Variants in RBM34 observed in about 807,000 individuals in gnomAD.
The protein encoded by RBM34 is RNA binding motif protein 34.
A neutral mutation model predicts 44.6 loss-of-function variants in RBM34; 39 were observed. The ratio of observed to expected loss-of-function variants is 0.87; its 90% CI spans 0.68 to 1.14. The LOEUF is 1.14. RBM34 is among the 50% of genes most tolerant of loss of function. The probability of loss-of-function intolerance (pLI) is 0.00; values close to 1 mark genes in which losing one functional copy is unlikely to be tolerated. For missense variants in RBM34, 572 were observed against 517.9 expected (o/e 1.10, Z -1.01); for synonymous variants, 194 against 184.0 (o/e 1.05, Z -0.44).
At chr1:235,154,705 G>A (rs1662318449) in intron 4 of RBM34, among the ~76,000 whole-genome samples, 176 bp downstream of exon 4, 1 of 152,192 alleles carries the variant, frequency 6.6e-6, no homozygotes, top group African/African-American at 2.4e-5. Context: ...AGCCTGAATT[G>A]GCAGGGACTA....
At chr1:235,136,678 T>C (rs1661445937) in intron 8 of RBM34, among the ~76,000 whole-genome samples, 1 of 152,206 alleles carries the variant, frequency 6.6e-6, no homozygotes, top group African/African-American at 2.4e-5. Flanking sequence ...CTGTCCTTCA[T>C]TCATTTCTAG....
At chr1:235,157,324 A>G (rs1662493222) in intron 3 of RBM34, among the ~76,000 whole-genome samples, 1 of 152,170 alleles carries the variant, frequency 6.6e-6, no homozygotes, top group African/African-American at 2.4e-5. Flanking sequence ...GATTAAAGAG[A>G]TAATTAAAAA....
rs370358826 is a variant in RBM34, at chr1:235,161,209, C to T, written c.18G>A (p.Met6Ile). 5.0e-6 allele frequency: 8 copies of T among 1,611,596 alleles called. No individual in the cohort carries two copies. Among genetic ancestry groups the T allele is most frequent in the African/African-American group, 1.3e-5 (1 of 74,862 alleles). Residue 6 changes from methionine (M) to isoleucine (I), a missense_variant, in exon 1 of 11, where the codon ATG becomes ATA. Physicochemically the swap from Met to Ile is conservative, Grantham distance 10. Coordinates refer to ENST00000408888, the MANE Select transcript of RBM34 (RefSeq NM_015014.4). ...CACTTCTCTTTCTCTTCCGTTTGCT[C>T]ATCCCTTCCAAGGCCATTCTTACTC... MALEG[M>I]SKRKRKRSVQ...
At chr1:235,141,504 T>C (rs370011699) in intron 6 of RBM34, among the ~76,000 whole-genome samples, 3 of 152,108 alleles carry the variant, frequency 2.0e-5, no homozygotes, top group African/African-American at 7.2e-5. Context: ...GCTCTACCAA[T>C]CAGCAGGATG....
chr1:235,144,249 C>T (rs1445058587), intron 6 of RBM34, among the ~76,000 whole-genome samples: 1 of 152,012 alleles, frequency 6.6e-6, no homozygotes, highest in Non-Finnish European at 1.5e-5. Context: ...AAGAGTATAT[C>T]CTGTATGATG....
At chr1:235,140,104 T>C (rs1661610325) in intron 6 of RBM34, among the ~76,000 whole-genome samples, 1 of 152,210 alleles carries the variant, frequency 6.6e-6, no homozygotes, top group South Asian at 2.1e-4. Context: ...GGATTCTTCT[T>C]GAGAGGTGAC....
At chr1:235,157,031 A>T (rs1662479261) in intron 3 of RBM34, among the ~76,000 whole-genome samples, 1 of 152,234 alleles carries the variant, frequency 6.6e-6, no homozygotes, top group Non-Finnish European at 1.5e-5. Context: ...AGTACCTAGC[A>T]GGTGTGAAAG....
At chr1:235,139,963 A>T (rs1042934335) in intron 6 of RBM34, among the ~76,000 whole-genome samples, 2 of 152,192 alleles carry the variant, frequency 1.3e-5, no homozygotes, top group Admixed American at 1.3e-4. Context: ...CCGAGGCAGG[A>T]GTGTGCGCCC....
chr1:235,160,621 A>G lies in RBM34; in HGVS notation c.255T>C (p.Asn85=). The G allele has an allele frequency of 6.2e-7, 1 of 1,611,582 alleles. No homozygotes were observed. The highest frequency in any genetic ancestry group is 8.5e-7 in the Non-Finnish European group (1 of 1,179,446). ...TCTGGGATGTACTTTCTTCCTCCTCATTCCGTTTCGTTTTTTTGATGGTTT... is the reference window on the plus strand; with the variant it reads ...TCTGGGATGTACTTTCTTCCTCCTCGTTCCGTTTCGTTTTTTTGATGGTTT... The part of the protein sequence containing the change: ...PKQTIKKTKR[N]EEEESTSQIE... Residue 85 remains asparagine, a synonymous_variant, in exon 3 of 11, where the codon AAT becomes AAC. Coordinates refer to ENST00000408888, the MANE Select transcript of RBM34 (RefSeq NM_015014.4).
chr1:235,144,508 A>C (rs1463950224), intron 6 of RBM34, among the ~76,000 whole-genome samples: 1 of 151,872 alleles, frequency 6.6e-6, no homozygotes, highest in Admixed American at 6.6e-5. Flanking sequence ...CTAAAAAAAA[A>C]AAAAAAAGGT....
rs189823146 is a variant in RBM34, at chr1:235,136,992, T to C, written c.849+885A>G. Among the ~76,000 whole-genome samples, 225 of 152,312 alleles carry C rather than the reference T, an allele frequency of 1.5e-3. 1 individual carries two copies. The highest frequency in any genetic ancestry group is 5.3e-3 in the African/African-American group (221 of 41,562). On this transcript the variant is annotated intron_variant, in intron 8 of 10. Coordinates refer to ENST00000408888, the MANE Select transcript of RBM34 (RefSeq NM_015014.4). ...TACATAAGCCTTCTCTTCTTTCTTT[T>C]TTCCCCCCGCTTCTCCACAGGGTAA...
At position 235,154,968 on chromosome 1, in the gene RBM34, C is replaced by T. The variant is rs1401219367; in HGVS notation, c.510G>A (p.Lys170=). The part of the protein sequence containing the change: ...DTEDTVVSQR[K]KIQINQEEER... ...CTTCTTCTTGGTTGATTTGAATTTTCTTTCTTTGACTGACAACTGTGTCTT... is the reference window on the plus strand; with the variant it reads ...CTTCTTCTTGGTTGATTTGAATTTTTTTTCTTTGACTGACAACTGTGTCTT... The change falls in exon 4 of 11, where the codon AAG becomes AAA. Residue 170 remains lysine (K), a synonymous_variant. Coordinates refer to ENST00000408888, the MANE Select transcript of RBM34 (RefSeq NM_015014.4). 1 of 1,614,058 alleles carries T rather than the reference C, an allele frequency of 6.2e-7. No individual in the cohort carries two copies. Among genetic ancestry groups the T allele is most frequent in the Admixed American group, 1.7e-5 (1 of 59,994 alleles).
intron 6 of RBM34, among the ~76,000 whole-genome samples, chr1:235,138,804 CT>C (rs34357574): frequency 0.16 from 24,542 of 152,174 alleles, 2,202 homozygotes; most frequent in African/African-American, 0.22. Flanking sequence ...TCTTTTGAAT[CT>C]TGTTTAATTT....
intron 8 of RBM34, 59 bp from the exon 9 acceptor site, chr1:235,136,132 G>A (rs928782479): frequency 1.0e-5 from 15 of 1,434,782 alleles, no homozygotes; most frequent in African/African-American, 7.1e-5. Flanking sequence ...GGAAGTCATC[G>A]AAAATCCTCC....
chr1:235,149,543 A>G (rs910284244), intron 5 of RBM34, among the ~76,000 whole-genome samples: 6 of 152,214 alleles, frequency 3.9e-5, no homozygotes, highest in African/African-American at 1.4e-4. Flanking sequence ...GAGTTTATAT[A>G]TTAGCCAAAA....
intron 3 of RBM34, among the ~76,000 whole-genome samples, chr1:235,155,864 T>TATATATATATATAC (rs1553275378): frequency 1.2e-5 from 1 of 81,154 alleles, no homozygotes; most frequent in Non-Finnish European, 2.1e-5. Context: ...TATATATATA[T>TATATATATATATAC]ATACATATAT....
intron 3 of RBM34, among the ~76,000 whole-genome samples, chr1:235,155,816 C>CATAT (rs1354494511): frequency 2.8e-5 from 2 of 72,724 alleles, no homozygotes; most frequent in African/African-American, 6.7e-5. Flanking sequence ...TTTATACATA[C>CATAT]ATATACATAT....
At chr1:235,160,811 C>T in intron 2 of RBM34, 82 bp downstream of exon 2, 1 of 1,553,676 alleles carries the variant, frequency 6.4e-7, no homozygotes, top group South Asian at 1.2e-5. Context: ...TTAGAAATCA[C>T]GCTTCACGCG....
chr1:235,135,697 G>C lies in RBM34; in HGVS notation c.963C>G (p.Asp321Glu). The change falls in exon 10 of 11, where the codon GAC (aspartate) becomes GAG (glutamate). Residue 321 changes from aspartate to glutamate, a missense_variant. Asp to Glu is a conservative substitution (Grantham distance 45). Transcript: ENST00000408888. ...GSIMAVRIVR[D>E]KMTGIGKGFG... ...ACCCTTTGCCGATGCCTGTCATTTT[G>C]TCTCTCACAATCCTCACGGCCATGA... 3 of 1,614,150 alleles carry C rather than the reference G, an allele frequency of 1.9e-6. No individual in the cohort carries two copies. Among genetic ancestry groups the C allele is most frequent in the Non-Finnish European group, 2.5e-6 (3 of 1,180,014 alleles).
Sources: gnomAD v4.1 joint callset for allele counts (sites outside exome capture counted in the v4.1 genomes callset) on GRCh38, gnomAD v4.1.1 for gene constraint, MANE v1.5 for transcripts, NCBI Gene and HGNC (gene_info 2026-07-23, HGNC 2026-07-21) for gene names.